The following ATG12 variants were observed in gnomAD, a reference collection of about 807,000 sequenced individuals.
The protein encoded by ATG12 is autophagy related 12, also known as ubiquitin-like protein ATG12.
A neutral mutation model predicts 17.6 loss-of-function variants in ATG12; 19 were observed. That is an observed-to-expected ratio of 1.08 (90% CI 0.75 to 1.58). The LOEUF is 1.58. ATG12 is among the 40% of genes most tolerant of loss of function. The pLI is 0.00. For synonymous variants in ATG12, 75 were observed against 62.4 expected (o/e 1.20, Z -0.95); for missense variants, 214 against 162.0 (o/e 1.32, Z -1.74).
chr5:115,835,986 T>A (rs1761082935), intron 2 of ATG12, among the ~76,000 whole-genome samples: 1 of 152,144 alleles, frequency 6.6e-6, no homozygotes, highest in African/African-American at 2.4e-5. Context: ...ACGTGTACCT[T>A]CTGATTCCAC....
intron 2 of ATG12, chr5:115,833,130 T>A (rs1201309554): frequency 6.6e-6 from 1 of 152,452 alleles, no homozygotes; most frequent in African/African-American, 2.4e-5. Flanking sequence ...TAAAGTCACT[T>A]ACAGGCAAAT....
chr5:115,832,597 T>TAACAAATA lies in ATG12; in HGVS notation c.363+4_363+5insTATTTGTT. On this transcript the variant is annotated splice_donor_region_variant and intron_variant, in intron 3 of 3. Transcript: ENST00000509910. Reference sequence around the variant, plus strand: ...TTTTTTTTTTTTTTTTTTTTTTTTTTTTACCTCATAGAGAGTTCCAACTTC... The same window carrying TAACAAATA: ...TTTTTTTTTTTTTTTTTTTTTTTTTTAACAAATATTACCTCATAGAGAGTTCCAACTTC... 7.3e-7 allele frequency: 1 copy of TAACAAATA among 1,379,202 alleles called. No individual in the cohort carries two copies. The highest frequency in any genetic ancestry group is 9.7e-7 in the Non-Finnish European group (1 of 1,035,850). 85.4% of individuals were successfully genotyped at this position (1,379,202 alleles called of 1,614,324 possible).
At position 115,832,587 on chromosome 5, in the gene ATG12, T is replaced by TC; in HGVS notation, c.363+14_363+15insG. 7.0e-7 allele frequency: 1 copy of TC among 1,430,340 alleles called. No individual in the cohort carries two copies. The highest frequency in any genetic ancestry group is 9.1e-7 in the Non-Finnish European group (1 of 1,098,178). 88.6% of individuals were successfully genotyped at this position (1,430,340 alleles called of 1,614,324 possible). A position where few individuals can be genotyped will look rare whatever the true frequency, so the allele number is the denominator to read the frequency against. ...AATTTCTTTCTTTTTTTTTTTTTTT[T>TC]TTTTTTTTTTTTACCTCATAGAGAG... On this transcript the variant is annotated intron_variant, in intron 3 of 3. Coordinates refer to ENST00000509910, the MANE Select transcript of ATG12 (RefSeq NM_004707.4).
chr5:115,836,786 A>G (rs1435854484), intron 2 of ATG12, among the ~76,000 whole-genome samples: 3 of 152,238 alleles, frequency 2.0e-5, no homozygotes, highest in Non-Finnish European at 4.4e-5. Flanking sequence ...ATAATTATGT[A>G]TATATAAAAA....
chr5:115,833,945 AAG>A, intron 2 of ATG12: 1 of 152,210 alleles, frequency 6.6e-6, no homozygotes, highest in Middle Eastern at 3.2e-3. Context: ...TGGAACTATG[AAG>A]ATTAATGTGA....
chr5:115,835,604 T>C (rs550603360), intron 2 of ATG12, among the ~76,000 whole-genome samples: 2 of 152,078 alleles, frequency 1.3e-5, no homozygotes, highest in East Asian at 3.9e-4. Flanking sequence ...GGGTCCATTT[T>C]GAGATTGTTT....
At chr5:115,840,704 A>G (rs1761373000) in intron 1 of ATG12, 1 of 1,196,700 alleles carries the variant, frequency 8.4e-7, no homozygotes, top group Non-Finnish European at 1.1e-6. Flanking sequence ...GGCAACTCTA[A>G]CTCTAAACAG....
chr5:115,829,631 A>C lies in ATG12; in HGVS notation c.*2173T>G, dbSNP rs1258585744. On this transcript the variant is annotated 3_prime_UTR_variant, in exon 4 of 4. Coordinates refer to ENST00000509910, the MANE Select transcript of ATG12 (RefSeq NM_004707.4). ...CAAAGAAAATTTAAAATATCACCTG[A>C]ATGTTCAGTTTTTCCCCCAAGTTTA... is the stretch of plus-strand genomic sequence containing the variant. 3 of 152,186 alleles carry C rather than the reference A, an allele frequency of 2.0e-5. No individual in the cohort carries two copies. Among genetic ancestry groups the C allele is most frequent in the African/African-American group, 4.8e-5 (2 of 41,440 alleles). The allele number at this position is 152,186 out of a possible 1,614,324, so 9.4% of individuals were successfully genotyped here. A position where few individuals can be genotyped will look rare whatever the true frequency, so the allele number is the denominator to read the frequency against.
chr5:115,836,253 A>G (rs1292556711), intron 2 of ATG12, among the ~76,000 whole-genome samples: 2 of 152,216 alleles, frequency 1.3e-5, no homozygotes, highest in African/African-American at 4.8e-5. Flanking sequence ...ATTGGTATCA[A>G]TCAAGTCCTT....
Position 115,831,707 on chromosome 5 carries a change from T to C in ATG12, c.*97A>G, listed in dbSNP as rs1026962147. The C allele has an allele frequency of 3.6e-6, 4 of 1,108,164 alleles. No homozygotes were observed. The African/African-American group carries it at 4.7e-5, about 13-fold the overall frequency. 68.6% of individuals were successfully genotyped at this position (1,108,164 alleles called of 1,614,324 possible). A position where few individuals can be genotyped will look rare whatever the true frequency, so the allele number is the denominator to read the frequency against. On this transcript the variant is annotated 3_prime_UTR_variant, in exon 4 of 4. Coordinates refer to ENST00000509910, the MANE Select transcript of ATG12 (RefSeq NM_004707.4). ...GTAGACACATACTAAATAGATCACA[T>C]CTGTTAAGTCTCTTGCCACAAGCAT... is the stretch of plus-strand genomic sequence containing the variant.
intron 2 of ATG12, 25 bp from the exon 3 acceptor site, chr5:115,832,689 A>G: frequency 6.6e-7 from 1 of 1,509,036 alleles, no homozygotes; most frequent in Non-Finnish European, 8.8e-7. Flanking sequence ...GGAAAAACAG[A>G]GATGTTTAAT....
intron 2 of ATG12, chr5:115,834,076 C>A (rs1760995635): frequency 6.6e-6 from 1 of 152,092 alleles, no homozygotes; most frequent in Admixed American, 6.6e-5. Flanking sequence ...ACTACTCTAG[C>A]CTAGCAAAAG....
Position 115,831,037 on chromosome 5 carries a change from T to G in ATG12, c.*767A>C, listed in dbSNP as rs1000631910. ...GATGCTACTGGGTTTACTCATCAAG[T>G]GCTTTTGACACCATATAAATGACAG... On this transcript the variant is annotated 3_prime_UTR_variant, in exon 4 of 4. Transcript: ENST00000509910. 1 of 152,238 alleles carries G rather than the reference T, an allele frequency of 6.6e-6. No homozygotes were observed. Among genetic ancestry groups the G allele is most frequent in the Admixed American group, 6.5e-5 (1 of 15,282 alleles). The allele number at this position is 152,238 out of a possible 1,614,324, so 9.4% of individuals were successfully genotyped here.
At chr5:115,837,023 T>A (rs1419625827) in intron 2 of ATG12, among the ~76,000 whole-genome samples, 2 of 152,138 alleles carry the variant, frequency 1.3e-5, no homozygotes, top group Non-Finnish European at 2.9e-5. Context: ...CAAAACAAAC[T>A]GAAAAAATCC....
chr5:115,841,401 G>T lies in ATG12; in HGVS notation c.152C>A (p.Thr51Asn), dbSNP rs1199750882. 6.2e-7 allele frequency: 1 copy of T among 1,611,396 alleles called. No homozygotes were observed. Among genetic ancestry groups the T allele is most frequent in the Admixed American group, 1.7e-5 (1 of 59,120 alleles). The change falls in exon 1 of 4, where the codon ACC (threonine) becomes AAC (asparagine). Residue 51 changes from threonine to asparagine, a missense_variant. By Grantham distance (65) the Thr-to-Asn change is moderately conservative. Coordinates refer to ENST00000509910, the MANE Select transcript of ATG12 (RefSeq NM_004707.4). ...ATAAATTCAGTTACTTTTTTTCTTGGTGTCGCCAGCAGGTTCCTCTGTTCC... is the reference window on the plus strand; with the variant it reads ...ATAAATTCAGTTACTTTTTTTCTTGTTGTCGCCAGCAGGTTCCTCTGTTCC... ...SPGTEEPAGD[T>N]KKKIDILLKA...
At chr5:115,832,563 ATTTCTTTCT>A (rs1561450467) in intron 3 of ATG12, 30 bp downstream of exon 3, 10 of 1,392,710 alleles carry the variant, frequency 7.2e-6, no homozygotes, top group South Asian at 1.5e-5. Context: ...AAAAGCAGTA[ATTTCTTTCT>A]TTTTTTTTTT....
intron 2 of ATG12, among the ~76,000 whole-genome samples, chr5:115,837,358 G>A (rs1479307467): frequency 6.6e-6 from 1 of 151,882 alleles, no homozygotes; most frequent in Non-Finnish European, 1.5e-5. Context: ...GTGCACTCCT[G>A]TAATAATCCT....
chr5:115,835,251 C>A (rs1490352220), intron 2 of ATG12: 1 of 152,130 alleles, frequency 6.6e-6, no homozygotes, highest in African/African-American at 2.4e-5. Context: ...GGCTTGATTT[C>A]ATCGTCTCTA....
Position 115,841,488 on chromosome 5 carries a change from A to C in ATG12, c.65T>G (p.Leu22Arg), listed in dbSNP as rs1445755893. ...PTSIAAGGEGLTDVSPETTTP... is the reference protein window; with the variant it reads ...PTSIAAGGEGRTDVSPETTTP... The stretch of plus-strand genomic sequence containing the variant: ...GGTTGTTTCTGGGGAGACATCCGTA[A>C]GTCCTTCCCCTCCAGCAGCAATTGA... The change falls in exon 1 of 4, where the codon CTT (leucine) becomes CGT (arginine). Residue 22 changes from leucine (L) to arginine (R), a missense_variant. Physicochemically the swap from Leu to Arg is moderately radical, Grantham distance 102 (BLOSUM62 -2). Transcript: ENST00000509910. 5.6e-6 allele frequency: 9 copies of C among 1,611,886 alleles called. No homozygotes were observed. The highest frequency in any genetic ancestry group is 6.8e-6 in the Non-Finnish European group (8 of 1,179,372).
Sources: allele counts gnomAD v4.1 joint callset (sites outside exome capture counted in the v4.1 genomes callset), GRCh38; gene constraint gnomAD v4.1.1; transcripts MANE v1.5; gene names NCBI Gene and HGNC (gene_info 2026-07-23, HGNC 2026-07-21).